ACO1: variants seen among roughly 807,000 people sequenced by gnomAD.
ACO1 encodes the protein cytoplasmic aconitate hydratase.
Under a neutral mutation model 105.1 loss-of-function variants are expected in ACO1, and 78 were observed. The ratio of observed to expected loss-of-function variants is 0.74; its 90% CI spans 0.62 to 0.90. The LOEUF is 0.90. Ranked by LOEUF, ACO1 falls within the 40% of genes least tolerant of loss-of-function variation. The pLI is 0.00. For synonymous variants in ACO1, 364 were observed against 397.4 expected (o/e 0.92, Z 1.00); for missense variants, 965 against 1,111.1 (o/e 0.87, Z 1.87).
At chr9:32,392,751 C>T (rs552244963) in intron 1 of ACO1, among the ~76,000 whole-genome samples, 64 of 152,268 alleles carry the variant, frequency 4.2e-4, no homozygotes, top group African/African-American at 1.5e-3. Flanking sequence ...GGTCAGGGAC[C>T]CCGAACGGAG....
intron 6 of ACO1, 90 bp downstream of exon 6, chr9:32,418,601 C>A: frequency 7.1e-7 from 1 of 1,408,332 alleles, no homozygotes; most frequent in Non-Finnish European, 9.7e-7. Flanking sequence ...TTTACATGAC[C>A]ACAAGTTTCC....
chr9:32,441,770 T>C (rs16918278), intron 19 of ACO1, among the ~76,000 whole-genome samples: 7,488 of 152,250 alleles, frequency 0.049, 575 homozygotes, highest in African/African-American at 0.16. Context: ...GTCCAGACTT[T>C]TCTATAGAAC....
rs958824167 is a variant in ACO1 at position 32,451,884 on chromosome 9, G to GT, written c.*1773_*1774insT. On this transcript the variant is annotated 3_prime_UTR_variant, in exon 21 of 21. Transcript: ENST00000309951. ...TCTAGACCAGCCTGGCCAACATGGT[G>GT]AAACCCCGTCTCTACTAAAAATACA... 2 of 152,128 alleles carry GT rather than the reference G, an allele frequency of 1.3e-5. No individual in the cohort carries two copies. The highest frequency in any genetic ancestry group is 2.9e-5 in the Non-Finnish European group (2 of 68,050). 9.4% of individuals were successfully genotyped at this position (152,128 alleles called of 1,614,324 possible). A position where few individuals can be genotyped will look rare whatever the true frequency, so the allele number is the denominator to read the frequency against.
intron 4 of ACO1, among the ~76,000 whole-genome samples, chr9:32,416,034 ACTTGT>A (rs1267374750): frequency 8.7e-5 from 13 of 150,272 alleles, no homozygotes; most frequent in Admixed American, 2.7e-4. Context: ...AGCAACCAAC[ACTTGT>A]CTTGGAGAAT....
At chr9:32,449,186 C>T in intron 20 of ACO1, 105 bp downstream of exon 20, 1 of 1,119,430 alleles carries the variant, frequency 8.9e-7, no homozygotes, top group Non-Finnish European at 1.2e-6. Flanking sequence ...CAAAAAATAT[C>T]ACTCAGGAGG....
chr9:32,396,164 AGT>A (rs1236629061), intron 1 of ACO1, among the ~76,000 whole-genome samples: 3 of 152,270 alleles, frequency 2.0e-5, no homozygotes, highest in Admixed American at 2.0e-4. Context: ...TCAGGAAGTA[AGT>A]ACTTTTCAAG....
intron 1 of ACO1, among the ~76,000 whole-genome samples, chr9:32,397,847 C>A (rs913038149): frequency 1.3e-5 from 2 of 152,142 alleles, no homozygotes; most frequent in Admixed American, 1.3e-4. Flanking sequence ...TTTGCATAGA[C>A]TTTTTAAATC....
intron 4 of ACO1, among the ~76,000 whole-genome samples, chr9:32,412,978 A>G (rs546164460): frequency 4.6e-5 from 7 of 152,152 alleles, no homozygotes; most frequent in African/African-American, 1.7e-4. Flanking sequence ...CAAAGAGCTC[A>G]TGGCTGTTAA....
chr9:32,399,058 C>T (rs1014931178), intron 1 of ACO1, among the ~76,000 whole-genome samples: 3 of 152,166 alleles, frequency 2.0e-5, no homozygotes, highest in Non-Finnish European at 1.5e-5. Flanking sequence ...GCTCACAGTG[C>T]ACCCAAGCAT....
chr9:32,384,723 C>T lies in ACO1; in HGVS notation c.-35C>T, dbSNP rs752604336. On this transcript the variant is annotated 5_prime_UTR_variant, in exon 1 of 21. Coordinates refer to ENST00000309951, the MANE Select transcript of ACO1 (RefSeq NM_002197.3). The stretch of plus-strand genomic sequence containing the variant: ...GGTTCGCCGGTCGCGGGAGCCCCGC[C>T]GTGCAGTCGGAGGTGAGTACCGACG... 1 of 411,528 alleles carries T rather than the reference C, an allele frequency of 2.4e-6. No homozygotes were observed. The highest frequency in any genetic ancestry group is 2.2e-5 in the African/African-American group (1 of 46,058). 25.5% of individuals were successfully genotyped at this position (411,528 alleles called of 1,614,324 possible). A position where few individuals can be genotyped will look rare whatever the true frequency, so the allele number is the denominator to read the frequency against.
chr9:32,426,373 G>A (rs1822098114), intron 11 of ACO1, among the ~76,000 whole-genome samples: 1 of 152,210 alleles, frequency 6.6e-6, no homozygotes. Flanking sequence ...TGACGTGAAT[G>A]CTGGGAGGTG....
intron 1 of ACO1, among the ~76,000 whole-genome samples, chr9:32,403,281 G>A (rs971655791): frequency 2.6e-5 from 4 of 152,164 alleles, no homozygotes; most frequent in South Asian, 4.1e-4. Context: ...TTTCATTTAC[G>A]GAGATGTTGC....
intron 4 of ACO1, among the ~76,000 whole-genome samples, chr9:32,416,410 G>C (rs2118450730): frequency 6.6e-6 from 1 of 152,176 alleles, no homozygotes; most frequent in South Asian, 2.1e-4. Context: ...TGTTTTCTAT[G>C]AGGTAAATAA....
rs1192820942 is a variant in ACO1, at chr9:32,388,490, C to T, written c.-23+3755C>T. 4.0e-5 allele frequency among the ~76,000 whole-genome samples: 6 copies of T among 151,890 alleles called. No homozygotes were observed. In the East Asian group the frequency reaches 9.7e-4, roughly 24 times the overall value. ...GCTGCAGTGAGCCATGATTGCATCA[C>T]GGCACTCCAGCCTGGGCAATAGAGT... On this transcript the variant is annotated intron_variant, in intron 1 of 20. Coordinates refer to ENST00000309951, the MANE Select transcript of ACO1 (RefSeq NM_002197.3).
At position 32,436,347 on chromosome 9, in the gene ACO1, T is replaced by G; in HGVS notation, c.2197T>G (p.Phe733Val). The G allele has an allele frequency of 1.2e-6, 2 of 1,614,180 alleles. No individual in the cohort carries two copies. Among genetic ancestry groups the G allele is most frequent in the Non-Finnish European group, 1.7e-6 (2 of 1,179,990 alleles). Residue 733 changes from phenylalanine to valine, a missense_variant, in exon 18 of 21, where the codon TTT becomes GTT. Coordinates refer to ENST00000309951, the MANE Select transcript of ACO1 (RefSeq NM_002197.3). ...TGCCAACATTCGCTTGTTAAACAGA[T>G]TTTTGAACAAGCAGGCACCACAGAC... The part of the protein sequence containing the change: ...TFANIRLLNR[F>V]LNKQAPQTIH...
rs1310036404 is a variant in ACO1 at position 32,408,660 on chromosome 9, T to C, written c.404+9T>C. 3 of 1,613,674 alleles carry C rather than the reference T, an allele frequency of 1.9e-6. No individual in the cohort carries two copies. The highest frequency in any genetic ancestry group is 3.3e-5 in the Admixed American group (2 of 59,962). On this transcript the variant is annotated intron_variant, in intron 4 of 20. Coordinates refer to ENST00000309951, the MANE Select transcript of ACO1 (RefSeq NM_002197.3). ...GTTGATTTCAACAGAAGGTGAGAGA[T>C]TAAAACGAATACCTGAGTGTTCTGC...
At chr9:32,429,070 C>G (rs1822166563) in intron 12 of ACO1, among the ~76,000 whole-genome samples, 2 of 152,080 alleles carry the variant, frequency 1.3e-5, no homozygotes, top group Admixed American at 1.3e-4. Flanking sequence ...CCATATTATT[C>G]CTGACTTATG....
intron 1 of ACO1, among the ~76,000 whole-genome samples, chr9:32,399,896 C>T (rs1821451781): frequency 7.2e-6 from 1 of 138,450 alleles, no homozygotes; most frequent in African/African-American, 2.7e-5. Flanking sequence ...TTATTTTGTT[C>T]TTTTTGCTCA....
chr9:32,429,685 G>T (rs1822182937), intron 13 of ACO1, among the ~76,000 whole-genome samples, 182 bp downstream of exon 13: 1 of 152,198 alleles, frequency 6.6e-6, no homozygotes, highest in Non-Finnish European at 1.5e-5. Flanking sequence ...ACCTATCTGT[G>T]CCTGGGTTTT....
Sources: allele counts gnomAD v4.1 joint callset (sites outside exome capture counted in the v4.1 genomes callset), GRCh38; gene constraint gnomAD v4.1.1; transcripts MANE v1.5; gene names NCBI Gene and HGNC (gene_info 2026-07-23, HGNC 2026-07-21).